The following ZC3H18 variants were observed in gnomAD, a reference collection of about 807,000 sequenced individuals.
ZC3H18 encodes zinc finger CCCH-type containing 18.
A neutral mutation model predicts 106.1 loss-of-function variants in ZC3H18; 8 were observed. The ratio of observed to expected loss-of-function variants is 0.08; its 90% CI spans 0.04 to 0.14. The LOEUF (loss-of-function observed/expected upper bound fraction) is 0.14, where lower values mean the gene tolerates loss of function less well. ZC3H18 is among the 10% of genes least tolerant of loss of function. The probability of loss-of-function intolerance (pLI) is 1.00; values close to 1 mark genes in which losing one functional copy is unlikely to be tolerated. For missense variants in ZC3H18, 1,318 were observed against 1,278.4 expected (o/e 1.03, Z -0.47); for synonymous variants, 635 against 522.1 (o/e 1.22, Z -2.95).
At chr16:88,624,924 C>A (rs1008361202) in intron 12 of ZC3H18, among the ~76,000 whole-genome samples, 179 bp downstream of exon 12, 2 of 152,248 alleles carry the variant, frequency 1.3e-5, no homozygotes, top group Admixed American at 1.3e-4. Flanking sequence ...CTCCCTGAGC[C>A]TGTGTTTCTG....
intron 3 of ZC3H18, among the ~76,000 whole-genome samples, chr16:88,592,617 G>A (rs1915817533): frequency 1.3e-5 from 2 of 152,134 alleles, no homozygotes; most frequent in South Asian, 4.1e-4. Context: ...TGAGATTACA[G>A]GCGCATGCCA....
At chr16:88,610,605 C>G (rs746326021) in intron 7 of ZC3H18, among the ~76,000 whole-genome samples, 1 of 152,210 alleles carries the variant, frequency 6.6e-6, no homozygotes, top group Admixed American at 6.5e-5. Context: ...AGGCCTCAAG[C>G]CTGAAACCCA....
At chr16:88,588,836 A>G (rs765516664) in intron 3 of ZC3H18, among the ~76,000 whole-genome samples, 1 of 152,006 alleles carries the variant, frequency 6.6e-6, no homozygotes, top group Admixed American at 6.6e-5. Flanking sequence ...CAGTTGTGCC[A>G]TGATCGTGCC....
At chr16:88,571,496 A>G in intron 1 of ZC3H18, 1 of 466,334 alleles carries the variant, frequency 2.1e-6, no homozygotes, top group Middle Eastern at 1.1e-3. Flanking sequence ...CCCGCTTCCC[A>G]GCTTTGGGAG....
In ZC3H18 at chr16:88,587,251, C is replaced by G. The variant is rs182670782; in HGVS notation, c.688+567C>G. On this transcript the variant is annotated intron_variant, in intron 3 of 17. Coordinates refer to ENST00000301011, the MANE Select transcript of ZC3H18 (RefSeq NM_144604.4). ...AGTGTCAGAAAAGTCTGGGCTGACC[C>G]ATTTTAAAATGTGGCAGAACTCTAG... Among the ~76,000 whole-genome samples, 57 of 152,266 alleles carry G rather than the reference C, an allele frequency of 3.7e-4. No individual in the cohort carries two copies. The East Asian group carries it at 4.1e-3, about 11-fold the overall frequency.
At chr16:88,622,154 G>A in intron 8 of ZC3H18, 43 bp from the exon 9 acceptor site, 1 of 1,578,388 alleles carries the variant, frequency 6.3e-7, no homozygotes, top group Non-Finnish European at 8.6e-7. Context: ...TTGCTGTGAA[G>A]CGGAAGGTGG....
At chr16:88,588,872 G>A (rs1915587237) in intron 3 of ZC3H18, among the ~76,000 whole-genome samples, 1 of 151,448 alleles carries the variant, frequency 6.6e-6, no homozygotes, top group African/African-American at 2.4e-5. Flanking sequence ...GGGCGACAGT[G>A]AGACTCAGTC....
At position 88,625,220 on chromosome 16, in the gene ZC3H18, CGGCAGT is replaced by C. The variant is rs755710656; in HGVS notation, c.2070_2075del (p.Gly692_Ser693del). On this transcript the variant is annotated inframe_deletion, in exon 13 of 18. Coordinates refer to ENST00000301011, the MANE Select transcript of ZC3H18 (RefSeq NM_144604.4). ...ATTACAGGCGGACGCTAAGCGGCAG[CGGCAGT>C]GGCAGTGGTAGCAGCTATAGTGGTT... is the stretch of plus-strand genomic sequence containing the variant. 15 of 1,591,570 alleles carry C rather than the reference CGGCAGT, an allele frequency of 9.4e-6. No homozygotes were observed. The highest frequency in any genetic ancestry group is 9.2e-5 in the East Asian group (4 of 43,658).
rs756161257 is a variant in ZC3H18, at chr16:88,624,655, A to C, written c.1952A>C (p.Lys651Thr). ...CCTCCAGCCCCACCACAGGCCACCA[A>C]AACCACTGCTCCTGTCCCCGAGCCC... ...APPPAPPQAT[K>T]TTAPVPEPTK... The change falls in exon 12 of 18, where the codon AAA becomes ACA. Residue 651 changes from lysine (K) to threonine (T), a missense_variant. Lys to Thr is a moderately conservative substitution (Grantham distance 78, BLOSUM62 -1). Around this residue, in one of 6 missense-constraint regions of ZC3H18, gnomAD observed 848 missense variants for 821.7 expected, o/e 1.03. Transcript: ENST00000301011. 6.2e-7 allele frequency: 1 copy of C among 1,613,902 alleles called. No homozygotes were observed. The highest frequency in any genetic ancestry group is 8.5e-7 in the Non-Finnish European group (1 of 1,179,974).
At chr16:88,613,116 G>T (rs576839200) in intron 8 of ZC3H18, among the ~76,000 whole-genome samples, 2 of 152,328 alleles carry the variant, frequency 1.3e-5, no homozygotes, top group South Asian at 4.1e-4. Flanking sequence ...AGAACGTTTT[G>T]TAGAAACGGA....
At chr16:88,590,957 A>G (rs1232916162) in intron 3 of ZC3H18, among the ~76,000 whole-genome samples, 1 of 142,776 alleles carries the variant, frequency 7.0e-6, no homozygotes, top group African/African-American at 2.6e-5. Flanking sequence ...ATTTTTTAAA[A>G]TTGTGGTGGA....
At position 88,631,953 on chromosome 16, in the gene ZC3H18, T is replaced by C; in HGVS notation, c.*654T>C. ...TTGAGGGGTCTCCTAAAATAAAATA[T>C]TTTGATAAGCAGCTGTCCTTGCCCT... On this transcript the variant is annotated 3_prime_UTR_variant, in exon 18 of 18. Transcript: ENST00000301011. 1 of 261,252 alleles carries C rather than the reference T, an allele frequency of 3.8e-6. No homozygotes were observed. The allele number at this position is 261,252 out of a possible 1,614,324, so 16.2% of individuals were successfully genotyped here. A position where few individuals can be genotyped will look rare whatever the true frequency, so the allele number is the denominator to read the frequency against.
Position 88,577,337 on chromosome 16 carries a change from C to A in ZC3H18, c.214C>A (p.Arg72=). 1.2e-6 allele frequency: 2 copies of A among 1,605,224 alleles called. No homozygotes were observed. Among genetic ancestry groups the A allele is most frequent in the Non-Finnish European group, 1.7e-6 (2 of 1,174,810 alleles). The change falls in exon 2 of 18, where the codon CGG becomes AGG. Residue 72 remains arginine (R), a synonymous_variant. Transcript: ENST00000301011. ...AGATAATCACTCCGACGAGGAGGAC[C>A]GGGCAAGTGAGCCTAAATCCCAAGA... ...EEDNHSDEED[R]ASEPKSQDQD...
intron 15 of ZC3H18, 102 bp downstream of exon 15, chr16:88,628,221 C>A: frequency 7.6e-7 from 1 of 1,321,438 alleles, no homozygotes; most frequent in Non-Finnish European, 1.0e-6. Flanking sequence ...TGAGTGAGGG[C>A]GAGTGGGGCC....
In ZC3H18 at chr16:88,631,517, C is replaced by G. The variant is rs532354873; in HGVS notation, c.*218C>G. ...AGAAGTCCCGCAGGACAGACAGACA[C>G]AGACAGCGCTAGTGACCAGCACGGT... On this transcript the variant is annotated 3_prime_UTR_variant, in exon 18 of 18. Transcript: ENST00000301011. The G allele has an allele frequency of 1.5e-6, 1 of 679,896 alleles. No homozygotes were observed. Among genetic ancestry groups the G allele is most frequent in the Non-Finnish European group, 2.6e-6 (1 of 383,020 alleles). 42.1% of individuals were successfully genotyped at this position (679,896 alleles called of 1,614,324 possible).
At chr16:88,623,882 G>A in intron 10 of ZC3H18, 76 bp from the exon 11 acceptor site, 1 of 1,531,776 alleles carries the variant, frequency 6.5e-7, no homozygotes, top group South Asian at 1.3e-5. Context: ...CATGGGTCTG[G>A]GTGGGTCCTC....
intron 3 of ZC3H18, among the ~76,000 whole-genome samples, chr16:88,597,028 C>T (rs972497747): frequency 6.6e-6 from 1 of 152,184 alleles, no homozygotes; most frequent in Non-Finnish European, 1.5e-5. Flanking sequence ...TCACGCCATT[C>T]TCCTGCTTCA....
intron 7 of ZC3H18, 26 bp from the exon 8 acceptor site, chr16:88,611,242 C>T (rs377436848): frequency 2.8e-4 from 213 of 756,926 alleles, no homozygotes; most frequent in Non-Finnish European, 4.6e-4. Context: ...GCACGGTGTC[C>T]CCATGTGTTT....
intron 6 of ZC3H18, among the ~76,000 whole-genome samples, chr16:88,607,391 G>T (rs968695538): frequency 2.0e-5 from 3 of 152,254 alleles, no homozygotes; most frequent in African/African-American, 7.2e-5. Flanking sequence ...TTGGGTGTCA[G>T]CTTGTCTGGC....
Sources: allele counts gnomAD v4.1 joint callset (sites outside exome capture counted in the v4.1 genomes callset), GRCh38; gene constraint gnomAD v4.1.1; regional missense constraint gnomAD v4.1.1; transcripts MANE v1.5; gene names NCBI Gene and HGNC (gene_info 2026-07-23, HGNC 2026-07-21).